Variants in ZNF432 observed in about 807,000 individuals in gnomAD.
The protein encoded by ZNF432 is zinc finger protein 432.
ZNF432 carries 10 observed loss-of-function variants against 13.9 expected under a neutral mutation model. That is an observed-to-expected ratio of 0.72 (90% CI 0.44 to 1.22). ZNF432 has a LOEUF of 1.22. Ranked by LOEUF, ZNF432 falls within the 50% of genes most tolerant of loss-of-function variation. ZNF432 has a pLI of 0.00. For missense variants in ZNF432, 793 were observed against 796.2 expected (o/e 1.00, Z 0.05); for synonymous variants, 247 against 256.2 (o/e 0.96, Z 0.34).
intron 2 of ZNF432, among the ~76,000 whole-genome samples, chr19:52,045,555 C>T (rs2087173443): frequency 6.6e-6 from 1 of 151,250 alleles, no homozygotes; most frequent in African/African-American, 2.4e-5. Flanking sequence ...ACGGTTTCTC[C>T]ATGTTGGTCA....
rs2087027317 is a variant in ZNF432, at chr19:52,032,739, T to C, written c.*981A>G. 6.6e-6 allele frequency: 1 copy of C among 152,212 alleles called. No homozygotes were observed. 9.4% of individuals were successfully genotyped at this position (152,212 alleles called of 1,614,324 possible). On this transcript the variant is annotated 3_prime_UTR_variant, in exon 5 of 5. Transcript: ENST00000221315. Reference sequence around the variant, plus strand: ...GTGCAAGCCACCATGCCCGGCATTATGTATCATTTTCATGAGACTTTTTTA... The same window carrying C: ...GTGCAAGCCACCATGCCCGGCATTACGTATCATTTTCATGAGACTTTTTTA...
chr19:52,040,284 A>C (rs1286210255), intron 4 of ZNF432: 2 of 593,226 alleles, frequency 3.4e-6, no homozygotes, highest in Non-Finnish European at 3.0e-6. Context: ...GGTAGAGGAC[A>C]TTCAATACAA....
chr19:52,043,542 C>T (rs1255405703), intron 2 of ZNF432, among the ~76,000 whole-genome samples: 3 of 151,702 alleles, frequency 2.0e-5, no homozygotes, highest in African/African-American at 7.3e-5. Context: ...TCCCCCAGCC[C>T]GACACCCGTA....
At chr19:52,040,613 A>G in intron 3 of ZNF432, 30 bp from the exon 4 acceptor site, 1 of 1,579,850 alleles carries the variant, frequency 6.3e-7, no homozygotes, top group East Asian at 2.2e-5. Context: ...GAAGACAGAC[A>G]CACTGGATTG....
chr19:52,040,559 G>A lies in ZNF432; in HGVS notation c.167C>T (p.Ala56Val), dbSNP rs1372587126. The A allele has an allele frequency of 3.1e-6, 5 of 1,613,988 alleles. No individual in the cohort carries two copies. The African/African-American group carries it at 6.7e-5, about 22-fold the overall frequency. The change falls in exon 4 of 5, where the codon GCA becomes GTA. Residue 56 changes from alanine to valine, a missense_variant. Ala to Val is a moderately conservative substitution (Grantham distance 64, BLOSUM62 0). Transcript: ENST00000221315. The part of the protein sequence containing the change: ...SMGYQVSKPD[A>V]LSKLERGEEP... ...TTCTCCTCGTTCCAACTTGGAGAGT[G>A]CATCTGGTTTGCTGACTTGATAACC...
At chr19:52,048,601 C>T (rs2087218215) in intron 1 of ZNF432, 94 bp downstream of exon 1, 1 of 152,020 alleles carries the variant, frequency 6.6e-6, no homozygotes, top group African/African-American at 2.4e-5. Context: ...CCCCAACCCC[C>T]GCGCTACCTC....
At chr19:52,048,164 CACACACACACACACACACAA>C (rs1274926298) in intron 1 of ZNF432, among the ~76,000 whole-genome samples, 2 of 147,648 alleles carry the variant, frequency 1.4e-5, no homozygotes, top group African/African-American at 5.3e-5. Flanking sequence ...CACACACACA[CACACACACACACACACACAA>C]AACCAGCCAG....
At chr19:52,042,813 T>C (rs975760118) in intron 2 of ZNF432, among the ~76,000 whole-genome samples, 8 of 152,120 alleles carry the variant, frequency 5.3e-5, no homozygotes, top group Non-Finnish European at 1.0e-4. Flanking sequence ...ACTGAAACTA[T>C]TGAACATCAG....
At chr19:52,044,476 A>C (rs1213178446) in intron 2 of ZNF432, among the ~76,000 whole-genome samples, 1 of 152,172 alleles carries the variant, frequency 6.6e-6, no homozygotes. Flanking sequence ...CAGGCTAAAA[A>C]AAACTTTGCA....
chr19:52,047,146 A>C, intron 1 of ZNF432, 86 bp from the exon 2 acceptor site: 2 of 422,634 alleles, frequency 4.7e-6, no homozygotes, highest in Non-Finnish European at 8.4e-6. Flanking sequence ...CTCTCAAACC[A>C]AGGAAACACA....
intron 4 of ZNF432, among the ~76,000 whole-genome samples, chr19:52,039,755 G>C (rs2087116270): frequency 6.7e-6 from 1 of 148,646 alleles, no homozygotes; most frequent in Non-Finnish European, 1.5e-5. Flanking sequence ...CTTGAACCCG[G>C]GAGGTGGAGG....
At position 52,034,823 on chromosome 19, in the gene ZNF432, C is replaced by T; in HGVS notation, c.856G>A (p.Glu286Lys). The change falls in exon 5 of 5, where the codon GAG becomes AAG. Residue 286 changes from glutamate (E) to lysine (K), a missense_variant. Glu to Lys is a moderately conservative substitution (Grantham distance 56). Coordinates refer to ENST00000221315, the MANE Select transcript of ZNF432 (RefSeq NM_014650.4). ...CATTCATTGCATATGTAGGGTTTCT[C>T]TCCAGTATGAGTTCGCTGATGTTCA... ...LIEHQRTHTG[E>K]KPYICNECGK... The T allele has an allele frequency of 1.2e-6, 2 of 1,613,476 alleles. No homozygotes were observed. The highest frequency in any genetic ancestry group is 1.7e-6 in the Non-Finnish European group (2 of 1,179,678).
rs1367356266 is a variant in ZNF432, at chr19:52,034,303, C to T, written c.1376G>A (p.Cys459Tyr). 6.8e-6 allele frequency: 11 copies of T among 1,609,638 alleles called. No homozygotes were observed. The highest frequency in any genetic ancestry group is 9.3e-6 in the Non-Finnish European group (11 of 1,177,102). Residue 459 changes from cysteine to tyrosine, a missense_variant, in exon 5 of 5, where the codon TGC becomes TAC. Physicochemically the swap from Cys to Tyr is radical, Grantham distance 194. Transcript: ENST00000221315. ...RTHTGEKPYT[C>Y]SECGKGFPLK... ...GGGGAAGCCTTTCCCACATTCACTG[C>T]ATGTGTAGGGCTTCTCTCCTGTATG...
rs908184972 is a variant in ZNF432 at position 52,031,670 on chromosome 19, G to C, written c.*2050C>G. ...GGTAATGGGATCAGTGGCTACCATGGGTCATATTGGGAGGACAGTGTGAGT... is the reference window on the plus strand; with the variant it reads ...GGTAATGGGATCAGTGGCTACCATGCGTCATATTGGGAGGACAGTGTGAGT... On this transcript the variant is annotated 3_prime_UTR_variant, in exon 5 of 5. Coordinates refer to ENST00000221315, the MANE Select transcript of ZNF432 (RefSeq NM_014650.4). 2.6e-5 allele frequency: 4 copies of C among 151,664 alleles called. No individual in the cohort carries two copies. The East Asian group carries it at 7.8e-4, about 30-fold the overall frequency. 9.4% of individuals were successfully genotyped at this position (151,664 alleles called of 1,614,324 possible).
intron 4 of ZNF432, among the ~76,000 whole-genome samples, chr19:52,036,058 T>C (rs1346426102): frequency 4.6e-5 from 7 of 152,212 alleles, no homozygotes; most frequent in African/African-American, 1.7e-4. Context: ...CAAGTCATTA[T>C]TACAAGCAAA....
Position 52,034,679 on chromosome 19 carries a change from T to C in ZNF432, c.1000A>G (p.Ile334Val). 1 of 1,613,854 alleles carries C rather than the reference T, an allele frequency of 6.2e-7. No homozygotes were observed. The highest frequency in any genetic ancestry group is 2.2e-5 in the East Asian group (1 of 44,860). The change falls in exon 5 of 5, where the codon ATA (isoleucine) becomes GTA (valine). Residue 334 changes from isoleucine (I) to valine (V), a missense_variant. Transcript: ENST00000221315. ...TCTCCTGTATGAGTTCGCTGATGTA[T>C]AATAAGCATGCTCTTCCCAGTGAAG... ...KGFTGKSMLI[I>V]HQRTHTGEKP...
At chr19:52,047,865 T>C (rs1264185595) in intron 1 of ZNF432, among the ~76,000 whole-genome samples, 19 of 152,074 alleles carry the variant, frequency 1.2e-4, no homozygotes, top group Admixed American at 1.2e-3. Flanking sequence ...CATAAAAATA[T>C]GCAGTACATT....
intron 4 of ZNF432, among the ~76,000 whole-genome samples, chr19:52,038,201 G>A (rs1304145360): frequency 6.6e-6 from 1 of 152,164 alleles, no homozygotes; most frequent in Non-Finnish European, 1.5e-5. Flanking sequence ...TCTCCAACAA[G>A]CAGCTTCTAT....
chr19:52,043,604 G>A (rs895495333), intron 2 of ZNF432, among the ~76,000 whole-genome samples: 5 of 152,060 alleles, frequency 3.3e-5, no homozygotes, highest in African/African-American at 9.7e-5. Context: ...GCCTCTTGCA[G>A]TTGAGACAAG....
Sources: gnomAD v4.1 joint callset for allele counts (sites outside exome capture counted in the v4.1 genomes callset) on GRCh38, gnomAD v4.1.1 for gene constraint, MANE v1.5 for transcripts, NCBI Gene and HGNC (gene_info 2026-07-23, HGNC 2026-07-21) for gene names.